Variants in CFAP20DC observed in about 807,000 individuals in gnomAD.
CFAP20DC encodes CFAP20 domain containing.
CFAP20DC carries 84 observed loss-of-function variants against 101.7 expected under a neutral mutation model. The observed-to-expected ratio is 0.83, with a 90% CI of 0.69 to 0.99. The LOEUF (loss-of-function observed/expected upper bound fraction) is 0.99. Ranked by LOEUF, CFAP20DC falls within the 50% of genes least tolerant of loss-of-function variation. The pLI, the probability that CFAP20DC is intolerant of heterozygous loss-of-function variation, is 0.00. For missense variants in CFAP20DC, 1,007 were observed against 970.3 expected (o/e 1.04, Z -0.50); for synonymous variants, 359 against 351.2 (o/e 1.02, Z -0.25).
At chr3:58,747,810 G>A (rs552958902) in intron 16 of CFAP20DC, among the ~76,000 whole-genome samples, 4 of 152,224 alleles carry the variant, frequency 2.6e-5, no homozygotes, top group East Asian at 3.9e-4. Context: ...TAAAGTCTGA[G>A]AAAGTCCACT....
At chr3:58,862,765 C>A (rs2079355792) in intron 12 of CFAP20DC, 1 of 976,954 alleles carries the variant, frequency 1.0e-6, no homozygotes, top group East Asian at 1.1e-4. Context: ...TTTCACTAAC[C>A]CTAAAGTTGT....
intron 13 of CFAP20DC, among the ~76,000 whole-genome samples, chr3:58,840,237 T>A (rs1287609471): frequency 6.6e-6 from 1 of 152,016 alleles, no homozygotes; most frequent in Non-Finnish European, 1.5e-5. Context: ...AGAGTGCAGT[T>A]TTGACAAAAC....
intron 14 of CFAP20DC, among the ~76,000 whole-genome samples, chr3:58,816,242 C>T (rs1575736895): frequency 6.6e-6 from 1 of 152,128 alleles, no homozygotes; most frequent in Admixed American, 6.5e-5. Context: ...TCATCATTCT[C>T]AGTAAACTAT....
intron 6 of CFAP20DC, among the ~76,000 whole-genome samples, chr3:58,910,494 T>C (rs1576267105): frequency 6.6e-6 from 1 of 152,104 alleles, no homozygotes; most frequent in Non-Finnish European, 1.5e-5. Context: ...TTATTCCCAA[T>C]CCTTTGTACA....
At chr3:58,994,099 T>C (rs912789754) in intron 4 of CFAP20DC, among the ~76,000 whole-genome samples, 2 of 152,158 alleles carry the variant, frequency 1.3e-5, no homozygotes, top group Non-Finnish European at 2.9e-5. Context: ...ACCTTTCCCT[T>C]TCTTGCCTTT....
rs373267280 is a variant in CFAP20DC at position 58,784,606 on chromosome 3, T to C, written c.2237+21789A>G. On this transcript the variant is annotated intron_variant, in intron 15 of 16. Transcript: ENST00000482387. ...GGTTGACTACATGTATTTGCTATTGTGAATAGTGCTGTGATGAACATGACA... is the reference window on the plus strand; with the variant it reads ...GGTTGACTACATGTATTTGCTATTGCGAATAGTGCTGTGATGAACATGACA... Among the ~76,000 whole-genome samples, 14 of 152,252 alleles carry C rather than the reference T, an allele frequency of 9.2e-5. No homozygotes were observed. In the East Asian group the frequency reaches 1.7e-3, roughly 19 times the overall value.
At chr3:58,920,489 C>T (rs1297648854) in intron 5 of CFAP20DC, among the ~76,000 whole-genome samples, 1 of 152,072 alleles carries the variant, frequency 6.6e-6, no homozygotes, top group African/African-American at 2.4e-5. Flanking sequence ...CACAAAGGCC[C>T]TTTACCAAGT....
chr3:58,838,079 T>A lies in CFAP20DC; in HGVS notation c.1972-6190A>T, dbSNP rs998438810. Among the ~76,000 whole-genome samples, 82 of 152,152 alleles carry A rather than the reference T, an allele frequency of 5.4e-4. 2 individuals are homozygous for A. The highest frequency in any genetic ancestry group is 4.6e-4 in the Admixed American group (7 of 15,276). Reference sequence around the variant, plus strand: ...AATAAAAGGAATGGAGAGAAGACAGTAGCCACAAGCACAAGCTGTAAGTGA... The same window carrying A: ...AATAAAAGGAATGGAGAGAAGACAGAAGCCACAAGCACAAGCTGTAAGTGA... On this transcript the variant is annotated intron_variant, in intron 13 of 16. Coordinates refer to ENST00000482387, the MANE Select transcript of CFAP20DC (RefSeq NM_001394063.1).
rs1238713734 is a variant in CFAP20DC at position 58,864,063 on chromosome 3, A to G, written c.1259-171T>C. On this transcript the variant is annotated intron_variant, in intron 11 of 16. Transcript: ENST00000482387. This position sits in a 1 kb window ranked among gnomAD's most constrained non-coding sequence, Gnocchi z 4.7. The stretch of plus-strand genomic sequence containing the variant: ...ACCTCCGCCTCCCAACCTTCAAGTG[A>G]TTCTCCTGCCTGAGCCTCCTGAGTA... Among the ~76,000 whole-genome samples, 1 of 152,106 alleles carries G rather than the reference A, an allele frequency of 6.6e-6. No individual in the cohort carries two copies. Among genetic ancestry groups the G allele is most frequent in the African/African-American group, 2.4e-5 (1 of 41,422 alleles).
At chr3:58,969,079 G>A (rs1239363004) in intron 4 of CFAP20DC, among the ~76,000 whole-genome samples, 2 of 152,052 alleles carry the variant, frequency 1.3e-5, no homozygotes, top group Admixed American at 6.6e-5. Context: ...GCCTGTTTTT[G>A]TACCAGTACC....
At position 58,864,966 on chromosome 3, in the gene CFAP20DC, G is replaced by C. The variant is rs2079554805; in HGVS notation, c.1259-1074C>G. 1.3e-5 allele frequency among the ~76,000 whole-genome samples: 2 copies of C among 152,076 alleles called. No individual in the cohort carries two copies. The highest frequency in any genetic ancestry group is 4.8e-5 in the African/African-American group (2 of 41,410). On this transcript the variant is annotated intron_variant, in intron 11 of 16. Transcript: ENST00000482387. This position sits in a 1 kb window ranked among gnomAD's most constrained non-coding sequence, Gnocchi z 4.7. ...ATCTTTCATATCACATTGAGATAGAGTTTATAGCTCTATGATCCTGATGAA... is the reference window on the plus strand; with the variant it reads ...ATCTTTCATATCACATTGAGATAGACTTTATAGCTCTATGATCCTGATGAA...
intron 15 of CFAP20DC, among the ~76,000 whole-genome samples, chr3:58,803,360 C>A (rs2073843342): frequency 6.6e-6 from 1 of 152,136 alleles, no homozygotes. Flanking sequence ...GTTAGATGTT[C>A]ATTTATCCAA....
At chr3:58,973,921 T>C (rs2092109141) in intron 4 of CFAP20DC, among the ~76,000 whole-genome samples, 1 of 152,092 alleles carries the variant, frequency 6.6e-6, no homozygotes, top group South Asian at 2.1e-4. Flanking sequence ...TTCTCTCTCA[T>C]CCTGTCTTCT....
chr3:58,900,716 A>G (rs1265405709), intron 6 of CFAP20DC, among the ~76,000 whole-genome samples: 1 of 152,254 alleles, frequency 6.6e-6, no homozygotes, highest in Non-Finnish European at 1.5e-5. Context: ...GCAGCGTCCA[A>G]GCACAACCAG....
intron 15 of CFAP20DC, among the ~76,000 whole-genome samples, chr3:58,772,813 A>C (rs902892667): frequency 2.6e-5 from 4 of 152,236 alleles, no homozygotes; most frequent in Admixed American, 1.3e-4. Context: ...GTTGTAGAAC[A>C]GTATAGTCTT....
At chr3:59,038,656 G>A (rs2094145378) in intron 4 of CFAP20DC, among the ~76,000 whole-genome samples, 1 of 151,900 alleles carries the variant, frequency 6.6e-6, no homozygotes, top group African/African-American at 2.4e-5. Flanking sequence ...TATCTGTTAG[G>A]GTGACCTATG....
At chr3:58,878,295 A>C (rs1355493238) in intron 7 of CFAP20DC, among the ~76,000 whole-genome samples, 1 of 152,210 alleles carries the variant, frequency 6.6e-6, no homozygotes, top group Non-Finnish European at 1.5e-5. Context: ...AAGGCAATAA[A>C]ATAATATTAA....
At chr3:58,965,645 TA>T (rs2091469774) in intron 4 of CFAP20DC, among the ~76,000 whole-genome samples, 1 of 152,196 alleles carries the variant, frequency 6.6e-6, no homozygotes, top group Admixed American at 6.5e-5. Context: ...TAAAACTTTT[TA>T]AAATAATTTA....
intron 5 of CFAP20DC, among the ~76,000 whole-genome samples, chr3:58,930,665 C>G (rs2086516447): frequency 6.6e-6 from 1 of 152,174 alleles, no homozygotes; most frequent in African/African-American, 2.4e-5. Flanking sequence ...AGTTAGACCT[C>G]AAAATATTGT....
Sources: allele counts gnomAD v4.1 joint callset (sites outside exome capture counted in the v4.1 genomes callset), GRCh38; gene constraint gnomAD v4.1.1; non-coding constraint Gnocchi (gnomAD v3.1); transcripts MANE v1.5; gene names NCBI Gene and HGNC (gene_info 2026-07-23, HGNC 2026-07-21).